Variants in GGA1 observed in about 807,000 individuals in gnomAD.
GGA1 encodes golgi associated, gamma adaptin ear containing, ARF binding protein 1.
In GGA1, 18 loss-of-function variants were observed where a neutral mutation model predicts 76.9. The ratio of observed to expected loss-of-function variants is 0.23; its 90% CI spans 0.16 to 0.35. The LOEUF (loss-of-function observed/expected upper bound fraction) is 0.35. Ranked by LOEUF, GGA1 falls within the 10% of genes least tolerant of loss-of-function variation. The probability of loss-of-function intolerance (pLI) is 1.00; values close to 1 mark genes in which losing one functional copy is unlikely to be tolerated. For missense variants in GGA1, 755 were observed against 859.0 expected, an observed-to-expected ratio of 0.88 and a Z score of 1.51; for synonymous variants, 342 against 354.7, an observed-to-expected ratio of 0.96 and a Z score of 0.40.
intron 13 of GGA1, 126 bp from the exon 14 acceptor site, chr22:37,630,777 A>G (rs1931660694): frequency 1.5e-6 from 1 of 669,614 alleles, no homozygotes; most frequent in Admixed American, 2.9e-5. Flanking sequence ...CATGTTGCCC[A>G]GGCTGGTCTC....
In GGA1 at chr22:37,624,428, T is replaced by A. The variant is rs1394871149; in HGVS notation, c.833-541T>A. The stretch of plus-strand genomic sequence containing the variant: ...GCCTGGGTAACATAGAGAGACCCAG[T>A]CTCTATTTCAAATATATTTATATTA... On this transcript the variant is annotated intron_variant, in intron 9 of 16. Coordinates refer to ENST00000343632, the MANE Select transcript of GGA1 (RefSeq NM_013365.5). The surrounding 1 kb of genome is among the most constrained non-coding windows in gnomAD (Gnocchi z 4.3). 2.0e-5 allele frequency: 3 copies of A among 148,664 alleles called. No homozygotes were observed. The highest frequency in any genetic ancestry group is 4.4e-5 in the Non-Finnish European group (3 of 67,678). 9.2% of individuals were successfully genotyped at this position (148,664 alleles called of 1,614,324 possible).
intron 11 of GGA1, among the ~76,000 whole-genome samples, chr22:37,628,167 G>A (rs1200089433): frequency 6.6e-6 from 1 of 152,162 alleles, no homozygotes; most frequent in East Asian, 1.9e-4. Context: ...ATATTGCTCA[G>A]GCTGGTCTCA....
chr22:37,632,797 T>C lies in GGA1; in HGVS notation c.*86T>C. On this transcript the variant is annotated 3_prime_UTR_variant, in exon 17 of 17. Coordinates refer to ENST00000343632, the MANE Select transcript of GGA1 (RefSeq NM_013365.5). The surrounding 1 kb of genome is among the most constrained non-coding windows in gnomAD (Gnocchi z 5.1). ...GGCATTGGTGGCCAAGGACACCCTT[T>C]GTTGCCCATGGCCATTCACCCCCAG... is the stretch of plus-strand genomic sequence containing the variant. The C allele has an allele frequency of 2.5e-6, 2 of 796,120 alleles. No individual in the cohort carries two copies. Among genetic ancestry groups the C allele is most frequent in the Middle Eastern group, 2.7e-4 (1 of 3,724 alleles). 49.3% of individuals were successfully genotyped at this position (796,120 alleles called of 1,614,324 possible).
chr22:37,630,773 G>T (rs905270963), intron 13 of GGA1, 130 bp from the exon 14 acceptor site: 3 of 657,966 alleles, frequency 4.6e-6, no homozygotes, highest in Non-Finnish European at 8.0e-6. Context: ...TCGCCATGTT[G>T]CCCAGGCTGG....
intron 1 of GGA1, chr22:37,612,615 C>CAAAAAA (rs541256544): frequency 9.3e-6 from 1 of 107,332 alleles, no homozygotes; most frequent in East Asian, 2.7e-4. Flanking sequence ...ACTAAAAATA[C>CAAAAAA]AAAAAAAAAT....
Position 37,630,116 on chromosome 22 carries a change from T to A in GGA1, c.1277T>A (p.Leu426Gln). Residue 426 changes from leucine to glutamine, a missense_variant, in exon 13 of 17, where the codon CTG (leucine) becomes CAG (glutamine). Transcript: ENST00000343632. ...AGCGGTCTGGACGACCTAGACCTCC[T>A]GGGGAAGACCCTCCTGCAGCAGTCG... ...ASSGLDDLDL[L>Q]GKTLLQQSLP... 6.2e-7 allele frequency: 1 copy of A among 1,608,432 alleles called. No homozygotes were observed. The highest frequency in any genetic ancestry group is 8.5e-7 in the Non-Finnish European group (1 of 1,177,498).
At chr22:37,621,033 C>T (rs573609900) in intron 6 of GGA1, 120 bp downstream of exon 6, 52 of 711,444 alleles carry the variant, frequency 7.3e-5, no homozygotes, top group Middle Eastern at 2.9e-4. Context: ...GCCCAGGCAT[C>T]GTTGTAGATG....
At chr22:37,631,945 C>G (rs1029174613) in intron 14 of GGA1, 51 bp from the exon 15 acceptor site, 8 of 1,523,356 alleles carry the variant, frequency 5.3e-6, no homozygotes, top group Non-Finnish European at 7.2e-6. Context: ...GGGGGCTGAG[C>G]GGATGTGCTG....
chr22:37,613,552 C>G (rs969111317), intron 1 of GGA1, among the ~76,000 whole-genome samples: 7 of 152,160 alleles, frequency 4.6e-5, no homozygotes, highest in Non-Finnish European at 7.3e-5. Context: ...AGGCACCCAC[C>G]ACCAAGCCCG....
chr22:37,614,132 A>T, intron 1 of GGA1, 58 bp from the exon 2 acceptor site: 1 of 1,146,650 alleles, frequency 8.7e-7, no homozygotes, highest in Non-Finnish European at 1.3e-6. Context: ...CAGGGTCAGG[A>T]GTGGAAGAGC....
chr22:37,630,203 G>A, intron 13 of GGA1, 33 bp downstream of exon 13: 2 of 1,495,276 alleles, frequency 1.3e-6, no homozygotes, highest in Non-Finnish European at 9.0e-7. Flanking sequence ...ATGGGGTGGG[G>A]AGCACTCCCT....
In GGA1 at chr22:37,632,324, G is replaced by A; in HGVS notation, c.1699-81G>A. On this transcript the variant is annotated intron_variant, in intron 15 of 16. Coordinates refer to ENST00000343632, the MANE Select transcript of GGA1 (RefSeq NM_013365.5). The surrounding 1 kb of genome is among the most constrained non-coding windows in gnomAD (Gnocchi z 5.1). The stretch of plus-strand genomic sequence containing the variant: ...ACTGAGCCCCAGGATCCCCGGAGGG[G>A]AGCTGGCAGGCTGGGCCTGGTTCCT... 5 of 1,334,882 alleles carry A rather than the reference G, an allele frequency of 3.7e-6. No homozygotes were observed. The highest frequency in any genetic ancestry group is 1.9e-4 in the Middle Eastern group (1 of 5,330). The allele number at this position is 1,334,882 out of a possible 1,614,324, so 82.7% of individuals were successfully genotyped here. A position where few individuals can be genotyped will look rare whatever the true frequency, so the allele number is the denominator to read the frequency against.
intron 3 of GGA1, chr22:37,618,210 G>A (rs1436835302): frequency 2.1e-6 from 1 of 480,484 alleles, no homozygotes; most frequent in African/African-American, 1.9e-5. Flanking sequence ...TGGGACTAGA[G>A]CATTGCTACA....
At chr22:37,627,449 C>T (rs1931047463) in intron 11 of GGA1, among the ~76,000 whole-genome samples, 1 of 152,178 alleles carries the variant, frequency 6.6e-6, no homozygotes, top group Non-Finnish European at 1.5e-5. Flanking sequence ...GCCGCCCCCT[C>T]TTCATTCAGA....
In GGA1 at chr22:37,632,232, G is replaced by C; in HGVS notation, c.1698+67G>C. On this transcript the variant is annotated intron_variant, in intron 15 of 16. Transcript: ENST00000343632. This position sits in a 1 kb window ranked among gnomAD's most constrained non-coding sequence, Gnocchi z 5.1. The stretch of plus-strand genomic sequence containing the variant: ...GGCAGGGTGACATGGAGCTGGGTGG[G>C]GAGCCACCTGTCAGGGGGCAGGTCT... 6.7e-7 allele frequency: 1 copy of C among 1,499,348 alleles called. No individual in the cohort carries two copies. The highest frequency in any genetic ancestry group is 9.2e-7 in the Non-Finnish European group (1 of 1,088,940). 92.9% of individuals were successfully genotyped at this position (1,499,348 alleles called of 1,614,324 possible).
intron 1 of GGA1, 129 bp from the exon 2 acceptor site, chr22:37,614,061 G>C (rs2294973): frequency 0.072 from 50,497 of 703,336 alleles, 3,878 homozygotes; most frequent in African/African-American, 0.26. Context: ...CAGGAAGGCA[G>C]GGGGAGAGCT....
rs1254265905 is a variant in GGA1, at chr22:37,624,966, C to T, written c.833-3C>T. The T allele has an allele frequency of 6.3e-7, 1 of 1,579,676 alleles. No individual in the cohort carries two copies. The highest frequency in any genetic ancestry group is 1.3e-5 in the African/African-American group (1 of 74,442). ...CTGGCCTCTCCCCTCCTGCCTGTTC[C>T]AGCGGAGATCCTGCAGGCCAATGAC... On this transcript the variant is annotated splice_region_variant and splice_polypyrimidine_tract_variant and intron_variant, in intron 9 of 16. Coordinates refer to ENST00000343632, the MANE Select transcript of GGA1 (RefSeq NM_013365.5). This position sits in a 1 kb window ranked among gnomAD's most constrained non-coding sequence, Gnocchi z 4.3.
intron 14 of GGA1, among the ~76,000 whole-genome samples, chr22:37,631,673 C>G (rs929365955): frequency 6.6e-6 from 1 of 152,200 alleles, no homozygotes; most frequent in Admixed American, 6.5e-5. Flanking sequence ...GGTCACACAG[C>G]GTGAGACTCA....
chr22:37,609,769 G>A (rs1927158886), intron 1 of GGA1, among the ~76,000 whole-genome samples: 1 of 152,134 alleles, frequency 6.6e-6, no homozygotes, highest in Non-Finnish European at 1.5e-5. Flanking sequence ...CTTCTCCCTG[G>A]TCTAGTGAGG....
Sources: gnomAD v4.1 joint callset for allele counts (sites outside exome capture counted in the v4.1 genomes callset) on GRCh38, gnomAD v4.1.1 for gene constraint, Gnocchi (gnomAD v3.1) non-coding constraint, MANE v1.5 for transcripts, NCBI Gene and HGNC (gene_info 2026-07-23, HGNC 2026-07-21) for gene names.